The following PTK2B variants were observed in gnomAD, a reference collection of about 807,000 sequenced individuals.
The protein encoded by PTK2B is protein-tyrosine kinase 2-beta.
A neutral mutation model predicts 142.9 loss-of-function variants in PTK2B; 71 were observed. The ratio of observed to expected loss-of-function variants is 0.50; its 90% CI spans 0.41 to 0.61. PTK2B has a LOEUF of 0.61. Among genes scored for constraint, PTK2B ranks in the 20% least tolerant of loss-of-function variants. The pLI, the probability that PTK2B is intolerant of heterozygous loss-of-function variation, is 0.00. For missense variants in PTK2B, 1,105 were observed against 1,320.4 expected, an observed-to-expected ratio of 0.84 and a Z score of 2.53; for synonymous variants, 519 against 503.4, an observed-to-expected ratio of 1.03 and a Z score of -0.42.
chr8:27,357,031 C>T (rs1020890413), intron 1 of PTK2B, among the ~76,000 whole-genome samples: 1 of 152,034 alleles, frequency 6.6e-6, no homozygotes, highest in Non-Finnish European at 1.5e-5. Context: ...CATGGAACTA[C>T]ATACATACCA....
At chr8:27,424,671 C>T (rs1050194768) in intron 5 of PTK2B, among the ~76,000 whole-genome samples, 1 of 152,182 alleles carries the variant, frequency 6.6e-6, no homozygotes, top group Admixed American at 6.5e-5. Context: ...ATTTTAAAGT[C>T]AAGTTACAAC....
chr8:27,337,343 G>A (rs189349384), intron 1 of PTK2B, among the ~76,000 whole-genome samples: 158 of 152,216 alleles, frequency 1.0e-3, no homozygotes, highest in African/African-American at 3.7e-3. Context: ...CACCATGTCG[G>A]CCAGGCTAGT....
At chr8:27,317,930 A>C (rs1803128723) in intron 3 of PTK2B, among the ~76,000 whole-genome samples, 1 of 152,214 alleles carries the variant, frequency 6.6e-6, no homozygotes, top group Non-Finnish European at 1.5e-5. Context: ...CCTGAAATTT[A>C]TATTGAAGCA....
chr8:27,344,443 C>T (rs909558663), intron 1 of PTK2B, among the ~76,000 whole-genome samples: 1 of 152,190 alleles, frequency 6.6e-6, no homozygotes, highest in Admixed American at 6.5e-5. Flanking sequence ...GGGTGACAAC[C>T]CCAGTGTTTT....
chr8:27,418,151 A>G (rs1311438609), intron 2 of PTK2B, among the ~76,000 whole-genome samples: 2 of 152,096 alleles, frequency 1.3e-5, no homozygotes, highest in African/African-American at 2.4e-5. Flanking sequence ...TTCCCCATCT[A>G]TCTCACAGAG....
In PTK2B at chr8:27,397,621, T is replaced by C. The variant is rs1426780667; in HGVS notation, c.37T>C (p.Leu13=). The change falls in exon 2 of 31, where the codon TTG becomes CTG. Residue 13 remains leucine (L), a synonymous_variant. Transcript: ENST00000346049. ...GTCCGAGCCCCTGAGTCGAGTAAAGTTGGGCACGTTACGCCGGCCTGAAGG... is the reference window on the plus strand; with the variant it reads ...GTCCGAGCCCCTGAGTCGAGTAAAGCTGGGCACGTTACGCCGGCCTGAAGG... ...GVSEPLSRVK[L]GTLRRPEGPA... is the part of the protein sequence containing the mutation. 9.9e-6 allele frequency: 16 copies of C among 1,614,200 alleles called. No individual in the cohort carries two copies. Among genetic ancestry groups the C allele is most frequent in the East Asian group, 2.2e-5 (1 of 44,886 alleles).
chr8:27,450,809 A>G lies in PTK2B; in HGVS notation c.2401A>G (p.Lys801Glu). ...EEAQQLWEAEKVKMRQILDKQ... is the reference protein window; with the variant it reads ...EEAQQLWEAEEVKMRQILDKQ... ...GGCCCAGCAGCTGTGGGAGGCTGAA[A>G]AGGTCAAAATGCGGCAAATCCTGGA... The change falls in exon 25 of 31, where the codon AAG (lysine) becomes GAG (glutamate). Residue 801 changes from lysine to glutamate, a missense_variant. By Grantham distance (56) the Lys-to-Glu change is moderately conservative. Coordinates refer to ENST00000346049, the MANE Select transcript of PTK2B (RefSeq NM_173176.3). The G allele has an allele frequency of 6.2e-7, 1 of 1,614,176 alleles. No individual in the cohort carries two copies. Among genetic ancestry groups the G allele is most frequent in the South Asian group, 1.1e-5 (1 of 91,078 alleles).
intron 1 of PTK2B, among the ~76,000 whole-genome samples, chr8:27,383,830 T>A (rs1261538021): frequency 6.7e-6 from 1 of 148,616 alleles, no homozygotes; most frequent in African/African-American, 2.5e-5. Context: ...GGGCCACAGG[T>A]GTGCACCACC....
At chr8:27,420,478 C>T (rs550542021) in intron 3 of PTK2B, among the ~76,000 whole-genome samples, 179 bp from the exon 4 acceptor site, 1 of 152,300 alleles carries the variant, frequency 6.6e-6, no homozygotes, top group South Asian at 2.1e-4. Context: ...TTGATGGTCT[C>T]CAGCCCAACC....
rs1810744254 is a variant in PTK2B, at chr8:27,435,861, G to A, written c.1243+68G>A. On this transcript the variant is annotated intron_variant, in intron 14 of 30. Transcript: ENST00000346049. ...GTGAAATGACATGGCAAGGACTCTG[G>A]TGACACCACAGGGAACATTCTTTTC... 2.0e-6 allele frequency: 3 copies of A among 1,530,024 alleles called. No homozygotes were observed. In the Admixed American group the frequency reaches 5.0e-5, roughly 26 times the overall value. The allele number at this position is 1,530,024 out of a possible 1,614,324, so 94.8% of individuals were successfully genotyped here. A position where few individuals can be genotyped will look rare whatever the true frequency, so the allele number is the denominator to read the frequency against.
chr8:27,389,569 T>A (rs1423223589), intron 1 of PTK2B, among the ~76,000 whole-genome samples: 1 of 152,204 alleles, frequency 6.6e-6, no homozygotes, highest in Non-Finnish European at 1.5e-5. Flanking sequence ...CCAAGCCAGC[T>A]GGCCTCTGAG....
chr8:27,419,201 G>A (rs1231979131), intron 2 of PTK2B, among the ~76,000 whole-genome samples: 1 of 152,220 alleles, frequency 6.6e-6, no homozygotes, highest in Non-Finnish European at 1.5e-5. Context: ...TAACAAGAAA[G>A]CAGGAACAAG....
intron 3 of PTK2B, among the ~76,000 whole-genome samples, chr8:27,314,316 G>A (rs2130455018): frequency 6.6e-6 from 1 of 152,362 alleles, no homozygotes; most frequent in Non-Finnish European, 1.5e-5. Flanking sequence ...CCAGGTGCCA[G>A]TGGTGGCTCA....
intron 4 of PTK2B, among the ~76,000 whole-genome samples, chr8:27,421,278 CTATTTATTTATTTATTTATT>C (rs59319424): frequency 9.6e-4 from 142 of 147,182 alleles, no homozygotes; most frequent in Middle Eastern, 3.5e-3. Flanking sequence ...TAGCACTTAC[CTATTTATTTATTTATTTATT>C]TATTTATTTA....
At chr8:27,450,692 C>G in intron 24 of PTK2B, 57 bp from the exon 25 acceptor site, 1 of 1,602,620 alleles carries the variant, frequency 6.2e-7, no homozygotes, top group Non-Finnish European at 8.5e-7. Flanking sequence ...CTGTCCCTCC[C>G]TGAGTCTGAG....
chr8:27,331,670 A>G (rs1012287777), intron 1 of PTK2B, among the ~76,000 whole-genome samples: 1 of 139,994 alleles, frequency 7.1e-6, no homozygotes, highest in African/African-American at 2.6e-5. Context: ...TATTTTTAGT[A>G]GAAACGGGGT....
Position 27,437,751 on chromosome 8 carries a change from C to T in PTK2B, c.1528-14C>T. The T allele has an allele frequency of 6.2e-7, 1 of 1,602,292 alleles. No individual in the cohort carries two copies. Among genetic ancestry groups the T allele is most frequent in the East Asian group, 2.2e-5 (1 of 44,634 alleles). On this transcript the variant is annotated splice_polypyrimidine_tract_variant and intron_variant, in intron 17 of 30. Transcript: ENST00000346049. The stretch of plus-strand genomic sequence containing the variant: ...CCAACCAGGGGTCTTGATGGCACCT[C>T]CCCATTCCTGCAGCTGGGCCACTAC...
chr8:27,428,428 C>T (rs1050900266), intron 5 of PTK2B, among the ~76,000 whole-genome samples: 1 of 152,212 alleles, frequency 6.6e-6, no homozygotes, highest in African/African-American at 2.4e-5. Flanking sequence ...TTAGCAAGAA[C>T]ATCCCATCTC....
chr8:27,421,616 T>C (rs762032398), intron 4 of PTK2B, among the ~76,000 whole-genome samples: 3 of 152,268 alleles, frequency 2.0e-5, no homozygotes, highest in Non-Finnish European at 2.9e-5. Flanking sequence ...TCCAGGTTGC[T>C]GTAAATGCCA....
Sources: allele counts gnomAD v4.1 joint callset (sites outside exome capture counted in the v4.1 genomes callset), GRCh38; gene constraint gnomAD v4.1.1; transcripts MANE v1.5; gene names NCBI Gene and HGNC (gene_info 2026-07-23, HGNC 2026-07-21).